Variants in DNMT3A observed in about 807,000 individuals in gnomAD.
DNMT3A encodes DNA (cytosine-5)-methyltransferase 3A.
DNMT3A carries 267 observed loss-of-function variants against 117.6 expected under a neutral mutation model. The ratio of observed to expected loss-of-function variants is 2.27; its 90% confidence interval spans 2.05 to 2.51. The LOEUF (loss-of-function observed/expected upper bound fraction) is 2.51, where lower values mean the gene tolerates loss of function less well. Ranked by LOEUF, DNMT3A falls within the 30% of genes most tolerant of loss-of-function variation. The pLI, the probability that DNMT3A is intolerant of heterozygous loss-of-function variation, is 0.00. For missense variants in DNMT3A, 1,029 were observed against 1,260.2 expected, an observed-to-expected ratio of 0.82 and a Z score of 2.78; for synonymous variants, 432 against 474.8, an observed-to-expected ratio of 0.91 and a Z score of 1.17.
intron 1 of DNMT3A, among the ~76,000 whole-genome samples, chr2:25,315,170 C>T (rs1054571254): frequency 6.6e-6 from 1 of 152,176 alleles, no homozygotes. Context: ...GCTTCCCCAG[C>T]TCCCCCTCCC....
In DNMT3A at chr2:25,247,606, GTC is replaced by G; in HGVS notation, c.997_998del (p.Asp333ArgfsTer9). The G allele has an allele frequency of 6.2e-7, 1 of 1,613,894 alleles. No individual in the cohort carries two copies. The highest frequency in any genetic ancestry group is 8.5e-7 in the Non-Finnish European group (1 of 1,179,958). On this transcript the variant is annotated frameshift_variant, in exon 8 of 23. Transcript: ENST00000321117. LOFTEE classifies it high-confidence loss of function. This position sits in a 1 kb window ranked among gnomAD's most constrained non-coding sequence, Gnocchi z 5.6. ...CACAACTTACCACTGAGAATTTGCCGTCTCCGAACCACATGACCCAGCGGGTG... is the reference window on the plus strand; with the variant it reads ...CACAACTTACCACTGAGAATTTGCCGTCCGAACCACATGACCCAGCGGGTG... ...EGTRWVMWFG[D>X]GKFSVVCVEK... is the part of the protein sequence containing the mutation.
At chr2:25,251,802 G>A in intron 6 of DNMT3A, 1 of 289,822 alleles carries the variant, frequency 3.5e-6, no homozygotes, top group South Asian at 9.7e-5. Flanking sequence ...CCCCCAGCCA[G>A]AAACGCAGGT....
Position 25,337,759 on chromosome 2 carries a change from G to C in DNMT3A, c.-178+4067C>G, listed in dbSNP as rs1049051377. On this transcript the variant is annotated intron_variant, in intron 1 of 22. Transcript: ENST00000321117. This position sits in a 1 kb window ranked among gnomAD's most constrained non-coding sequence, Gnocchi z 5.0. ...TCAGGCTGACACTTCATGGATCTCA[G>C]ATTTGGTCATGTTCTTAGGGAAAAA... Among the ~76,000 whole-genome samples the C allele has an allele frequency of 6.6e-6, 1 of 152,164 alleles. No homozygotes were observed. Among genetic ancestry groups the C allele is most frequent in the African/African-American group, 2.4e-5 (1 of 41,434 alleles).
intron 2 of DNMT3A, among the ~76,000 whole-genome samples, chr2:25,301,585 C>T (rs1273119610): frequency 2.0e-5 from 3 of 152,162 alleles, no homozygotes; most frequent in African/African-American, 7.2e-5. Context: ...AGACATAAAC[C>T]TAGAAAGTCC....
Position 25,281,722 on chromosome 2 carries a change from T to A in DNMT3A, c.448+719A>T. 9.4e-7 allele frequency: 1 copy of A among 1,065,986 alleles called. No homozygotes were observed. The highest frequency in any genetic ancestry group is 1.1e-6 in the Non-Finnish European group (1 of 879,690). The allele number at this position is 1,065,986 out of a possible 1,614,324, so 66.0% of individuals were successfully genotyped here. On this transcript the variant is annotated intron_variant, in intron 4 of 22. Transcript: ENST00000321117. This position sits in a 1 kb window ranked among gnomAD's most constrained non-coding sequence, Gnocchi z 4.8. ...TCCTCATTACTAACATGTTTACAGC[T>A]CGGTTGGCCCTGAAATTGCTGGCTT...
In DNMT3A at chr2:25,244,255, TA is replaced by T. The variant is rs768327680; in HGVS notation, c.1750del (p.Tyr584ThrfsTer67). ...AAIKEDPWNCYMCGHKGTYGL... is the reference protein window; with the variant it reads ...AAIKEDPWNCXMCGHKGTYGL... ...GTAGGTACCCTTGTGCCCGCACATG[TA>T]GCAGTTCCAGGGGTCTTCCTTAATG... On this transcript the variant is annotated frameshift_variant, in exon 15 of 23. Coordinates refer to ENST00000321117, the MANE Select transcript of DNMT3A (RefSeq NM_022552.5). LOFTEE classifies it high-confidence loss of function. 6.2e-7 allele frequency: 1 copy of T among 1,613,962 alleles called. No individual in the cohort carries two copies. Among genetic ancestry groups the T allele is most frequent in the Non-Finnish European group, 8.5e-7 (1 of 1,179,976 alleles).
rs11331019 is a variant in DNMT3A, at chr2:25,233,778, CA to C, written c.*500del. The C allele has an allele frequency of 0.46, 68,775 of 149,524 alleles. 12,478 individuals are homozygous for C. Among genetic ancestry groups the C allele is most frequent in the Non-Finnish European group, 0.53 (43,408 of 81,558 alleles). 9.3% of individuals were successfully genotyped at this position (149,524 alleles called of 1,614,324 possible). On this transcript the variant is annotated 3_prime_UTR_variant, in exon 23 of 23. Transcript: ENST00000321117. ...AAGATATATAGTAAAAAAAAAAACC[CA>C]AAAAAAAAAAACAAAAAACAAAAAA...
chr2:25,233,608 T>C lies in DNMT3A; in HGVS notation c.*671A>G. The C allele has an allele frequency of 4.3e-6, 1 of 233,396 alleles. No homozygotes were observed. The highest frequency in any genetic ancestry group is 6.0e-5 in the East Asian group (1 of 16,662). The allele number at this position is 233,396 out of a possible 1,614,324, so 14.5% of individuals were successfully genotyped here. On this transcript the variant is annotated 3_prime_UTR_variant, in exon 23 of 23. Transcript: ENST00000321117. ...TTGTGTGGTGTTCTCGTCTCCCTGC[T>C]GCTAACTGGGTTCTGTTTTGCGTGA...
Position 25,234,469 on chromosome 2 carries a change from G to T in DNMT3A, c.2598-49C>A. ...GCAGGGTGAGTGCTGGCCAGACCAG[G>T]CTGCCCGGAAGCCGTCTAACCACAC... On this transcript the variant is annotated intron_variant, in intron 22 of 22. Coordinates refer to ENST00000321117, the MANE Select transcript of DNMT3A (RefSeq NM_022552.5). This position sits in a 1 kb window ranked among gnomAD's most constrained non-coding sequence, Gnocchi z 4.5. 1 of 1,573,982 alleles carries T rather than the reference G, an allele frequency of 6.4e-7. No homozygotes were observed. The highest frequency in any genetic ancestry group is 1.8e-5 in the Admixed American group (1 of 56,524).
In DNMT3A at chr2:25,327,809, G is replaced by T. The variant is rs1435836190; in HGVS notation, c.-177-13648C>A. Among the ~76,000 whole-genome samples the T allele has an allele frequency of 6.6e-6, 1 of 152,088 alleles. No individual in the cohort carries two copies. The highest frequency in any genetic ancestry group is 1.9e-4 in the East Asian group (1 of 5,202). ...CTTTCAGAGCCGGCTCTATTTTCTGGTTTTTCCCTCTATGTGGAAGTAACA... is the reference window on the plus strand; with the variant it reads ...CTTTCAGAGCCGGCTCTATTTTCTGTTTTTTCCCTCTATGTGGAAGTAACA... On this transcript the variant is annotated intron_variant, in intron 1 of 22. Coordinates refer to ENST00000321117, the MANE Select transcript of DNMT3A (RefSeq NM_022552.5). The surrounding 1 kb of genome is among the most constrained non-coding windows in gnomAD (Gnocchi z 4.1).
chr2:25,257,845 G>A lies in DNMT3A; in HGVS notation c.640-9593C>T, dbSNP rs150659752. On this transcript the variant is annotated intron_variant, in intron 6 of 22. Coordinates refer to ENST00000321117, the MANE Select transcript of DNMT3A (RefSeq NM_022552.5). The surrounding 1 kb of genome is among the most constrained non-coding windows in gnomAD (Gnocchi z 4.8). Reference sequence around the variant, plus strand: ...TAATACTAGCCAGGTGTGGAAACACGGAGACCCTGGCTGTGTCTGTTACAA... The same window carrying A: ...TAATACTAGCCAGGTGTGGAAACACAGAGACCCTGGCTGTGTCTGTTACAA... Among the ~76,000 whole-genome samples, 67 of 152,330 alleles carry A rather than the reference G, an allele frequency of 4.4e-4. No individual in the cohort carries two copies. Among genetic ancestry groups the A allele is most frequent in the African/African-American group, 1.6e-3 (65 of 41,562 alleles).
intron 10 of DNMT3A, 88 bp from the exon 11 acceptor site, chr2:25,246,397 G>A (rs1254344319): frequency 7.3e-6 from 11 of 1,502,788 alleles, no homozygotes; most frequent in Admixed American, 2.2e-5. Context: ...GTGGGGTGCG[G>A]CCTGGTCTCC....
Position 25,243,921 on chromosome 2 carries a change from GAC to G in DNMT3A, c.1911_1912del (p.Phe640Ter). On this transcript the variant is annotated frameshift_variant, in exon 16 of 23. Coordinates refer to ENST00000321117, the MANE Select transcript of DNMT3A (RefSeq NM_022552.5). LOFTEE classifies it high-confidence loss of function. Reference sequence around the variant, plus strand: ...ACCTGTAGCGATTCCATCAAAGAGAGACAGCACCCGGATGGGCTTCCTCTTCT... The same window carrying G: ...ACCTGTAGCGATTCCATCAAAGAGAGAGCACCCGGATGGGCTTCCTCTTCT... 6.4e-7 allele frequency: 1 copy of G among 1,552,118 alleles called. No individual in the cohort carries two copies. Among genetic ancestry groups the G allele is most frequent in the Non-Finnish European group, 8.7e-7 (1 of 1,147,104 alleles).
chr2:25,250,170 C>G (rs1443477348), intron 6 of DNMT3A, among the ~76,000 whole-genome samples: 1 of 152,178 alleles, frequency 6.6e-6, no homozygotes, highest in Non-Finnish European at 1.5e-5. Context: ...CAAAGCCTGT[C>G]AATGGACCCC....
In DNMT3A at chr2:25,229,515, ACT is replaced by A. The variant is rs1446733505; in HGVS notation, c.*4762_*4763del. ...CAGCGTGGAGAATACGCAATGACAAACTCAGATTACTCACCTCCCGGGACCAA... is the reference window on the plus strand; with the variant it reads ...CAGCGTGGAGAATACGCAATGACAAACAGATTACTCACCTCCCGGGACCAA... On this transcript the variant is annotated 3_prime_UTR_variant, in exon 23 of 23. Transcript: ENST00000321117. The A allele has an allele frequency of 6.6e-6, 1 of 152,028 alleles. No homozygotes were observed. Among genetic ancestry groups the A allele is most frequent in the South Asian group, 2.1e-4 (1 of 4,794 alleles). The allele number at this position is 152,028 out of a possible 1,614,324, so 9.4% of individuals were successfully genotyped here.
chr2:25,248,168 C>A lies in DNMT3A; in HGVS notation c.724G>T (p.Ala242Ser). The A allele has an allele frequency of 6.2e-7, 1 of 1,613,894 alleles. No homozygotes were observed. Among genetic ancestry groups the A allele is most frequent in the Non-Finnish European group, 8.5e-7 (1 of 1,179,960 alleles). The change falls in exon 7 of 23, where the codon GCC becomes TCC. Residue 242 changes from alanine to serine, a missense_variant. Coordinates refer to ENST00000321117, the MANE Select transcript of DNMT3A (RefSeq NM_022552.5). Reference protein sequence around the residue: ...GPGESQKVEEASPPAVQQPTD... With the variant: ...GPGESQKVEESSPPAVQQPTD... ...GGCTGCTGCACAGCAGGAGGGCTGG[C>A]CTCCTCCACCTTCTGAGACTCCCCG...
intron 1 of DNMT3A, among the ~76,000 whole-genome samples, chr2:25,340,882 C>T (rs1043936242): frequency 7.0e-6 from 1 of 142,060 alleles, no homozygotes; most frequent in Non-Finnish European, 1.6e-5. Flanking sequence ...GCCCGGGATC[C>T]TCGCCCGCCC....
rs903727670 is a variant in DNMT3A at position 25,325,141 on chromosome 2, G to A, written c.-177-10980C>T. 2.1e-5 allele frequency among the ~76,000 whole-genome samples: 3 copies of A among 143,568 alleles called. 1 individual carries two copies. Among genetic ancestry groups the A allele is most frequent in the South Asian group, 4.3e-4 (2 of 4,634 alleles). The allele number at this position is 143,568 out of a possible 152,430, so 94.2% of individuals were successfully genotyped here. On this transcript the variant is annotated intron_variant, in intron 1 of 22. Coordinates refer to ENST00000321117, the MANE Select transcript of DNMT3A (RefSeq NM_022552.5). ...CCATGACACAGCCCCAAAAGTGAGC[G>A]GGGGGGGGATTTATACCTAAAATAG...
chr2:25,235,723 A>G lies in DNMT3A; in HGVS notation c.2581T>C (p.Cys861Arg). The G allele has an allele frequency of 6.2e-7, 1 of 1,614,002 alleles. No homozygotes were observed. The highest frequency in any genetic ancestry group is 8.5e-7 in the Non-Finnish European group (1 of 1,179,912). Reference sequence around the variant, plus strand: ...CCCGGGTACCTTTCCATTTCAGTGCACCATAAGATGTCCTCTTTCTCATTC... The same window carrying G: ...CCCGGGTACCTTTCCATTTCAGTGCGCCATAAGATGTCCTCTTTCTCATTC... ...FMNEKEDILW[C>R]TEMERVFGFP... The change falls in exon 22 of 23, where the codon TGC becomes CGC. Residue 861 changes from cysteine to arginine, a missense_variant. By Grantham distance (180) the Cys-to-Arg change is radical. Transcript: ENST00000321117.
Sources: gnomAD v4.1 joint callset for allele counts (sites outside exome capture counted in the v4.1 genomes callset) on GRCh38, gnomAD v4.1.1 for gene constraint, Gnocchi (gnomAD v3.1) non-coding constraint, MANE v1.5 for transcripts, NCBI Gene and HGNC (gene_info 2026-07-23, HGNC 2026-07-21) for gene names.